The following COL4A1 variants were observed in gnomAD, a reference collection of about 807,000 sequenced individuals.
COL4A1 encodes collagen type IV alpha 1 chain, also known as collagen alpha-1(IV) chain.
COL4A1 carries 40 observed loss-of-function variants against 216.6 expected under a neutral mutation model. The observed-to-expected ratio is 0.18, with a 90% confidence interval of 0.14 to 0.24. The LOEUF (loss-of-function observed/expected upper bound fraction) is 0.24. Ranked by LOEUF, COL4A1 falls within the 10% of genes least tolerant of loss-of-function variation. COL4A1 has a pLI of 1.00. For synonymous variants in COL4A1, 839 were observed against 810.7 expected, an observed-to-expected ratio of 1.03 and a Z score of -0.59; for missense variants, 1,628 against 2,196.8, an observed-to-expected ratio of 0.74 and a Z score of 5.18.
intron 1 of COL4A1, among the ~76,000 whole-genome samples, chr13:110,284,342 C>T (rs61964260): frequency 2.5e-4 from 38 of 152,174 alleles, no homozygotes; most frequent in Non-Finnish European, 3.7e-4. Context: ...ACTAATGTGA[C>T]CCCCACAGCT....
intron 1 of COL4A1, among the ~76,000 whole-genome samples, chr13:110,285,269 G>C (rs1302236864): frequency 2.6e-5 from 4 of 152,242 alleles, no homozygotes; most frequent in Non-Finnish European, 5.9e-5. Flanking sequence ...CAATGGTGAA[G>C]AAATAGGATG....
chr13:110,200,794 A>T lies in COL4A1; in HGVS notation c.1120+60T>A. The T allele has an allele frequency of 2.0e-6, 3 of 1,502,106 alleles. No homozygotes were observed. The Admixed American group carries it at 5.0e-5, about 25-fold the overall frequency. 93.0% of individuals were successfully genotyped at this position (1,502,106 alleles called of 1,614,324 possible). A position where few individuals can be genotyped will look rare whatever the true frequency, so the allele number is the denominator to read the frequency against. ...CATTCGTGATAAATTATATATTCAG[A>T]ATATAAACAGCACAGAAGGTGTGCA... is the stretch of plus-strand genomic sequence containing the variant. On this transcript the variant is annotated intron_variant, in intron 20 of 51. Coordinates refer to ENST00000375820, the MANE Select transcript of COL4A1 (RefSeq NM_001845.6).
intron 1 of COL4A1, among the ~76,000 whole-genome samples, chr13:110,279,645 T>C (rs1464209709): frequency 1.3e-5 from 2 of 152,184 alleles, no homozygotes; most frequent in African/African-American, 4.8e-5. Context: ...GAAAACCTCC[T>C]AGCATCAGAA....
intron 49 of COL4A1, chr13:110,160,914 G>T: frequency 2.2e-6 from 1 of 446,048 alleles, no homozygotes. Flanking sequence ...TCGTCATCTT[G>T]CCCAGGCTGG....
chr13:110,242,731 C>T lies in COL4A1; in HGVS notation c.88G>A (p.Gly30Ser), dbSNP rs1881620946. Residue 30 changes from glycine (G) to serine (S), a missense_variant, in exon 2 of 52, where the codon GGC (glycine) becomes AGC (serine). Coordinates refer to ENST00000375820, the MANE Select transcript of COL4A1 (RefSeq NM_001845.6). ...TTGCCACAGCCAGAGCCAGCACAGC[C>T]ACCCTGGAAGGAAAAGAAAACTTCT... is the stretch of plus-strand genomic sequence containing the variant. ...EEHSRAAAKGGCAGSGCGKCD... is the reference protein window; with the variant it reads ...EEHSRAAAKGSCAGSGCGKCD... The T allele has an allele frequency of 5.0e-6, 8 of 1,614,244 alleles. No homozygotes were observed. The highest frequency in any genetic ancestry group is 6.8e-6 in the Non-Finnish European group (8 of 1,180,046).
At chr13:110,152,587 C>T in intron 50 of COL4A1, 81 bp from the exon 51 acceptor site, 1 of 1,476,368 alleles carries the variant, frequency 6.8e-7, no homozygotes, top group Non-Finnish European at 9.2e-7. Context: ...CAGGAAGGCG[C>T]CAGGGTGTTC....
intron 1 of COL4A1, among the ~76,000 whole-genome samples, chr13:110,253,219 T>C (rs1212112603): frequency 7.0e-6 from 1 of 142,928 alleles, no homozygotes; most frequent in Non-Finnish European, 1.5e-5. Flanking sequence ...TGTATGTATG[T>C]ATTATATATA....
intron 45 of COL4A1, among the ~76,000 whole-genome samples, 175 bp downstream of exon 45, chr13:110,166,057 A>G (rs1212208627): frequency 7.9e-5 from 12 of 152,174 alleles, no homozygotes; most frequent in Admixed American, 7.9e-4. Flanking sequence ...TCGCTGGTTA[A>G]AATGTCAACT....
At chr13:110,242,543 TATTG>T in intron 2 of COL4A1, 128 bp downstream of exon 2, 1 of 1,011,932 alleles carries the variant, frequency 9.9e-7, no homozygotes, top group Non-Finnish European at 1.6e-6. Flanking sequence ...GCTTCATTTG[TATTG>T]CTCTGGGGAA....
chr13:110,231,443 T>C (rs1285474392), intron 2 of COL4A1, among the ~76,000 whole-genome samples: 10 of 152,230 alleles, frequency 6.6e-5, no homozygotes, highest in Admixed American at 5.2e-4. Context: ...CCTGAGCTTT[T>C]GGGGCCTGCG....
At chr13:110,282,499 TG>T (rs1409417904) in intron 1 of COL4A1, among the ~76,000 whole-genome samples, 1 of 152,208 alleles carries the variant, frequency 6.6e-6, no homozygotes, top group Non-Finnish European at 1.5e-5. Context: ...TCACTTCCAA[TG>T]CACATCCTTT....
At chr13:110,262,050 G>C (rs1882849829) in intron 1 of COL4A1, among the ~76,000 whole-genome samples, 1 of 152,214 alleles carries the variant, frequency 6.6e-6, no homozygotes, top group African/African-American at 2.4e-5. Flanking sequence ...GCTTCCATCT[G>C]AGGGTTTAAC....
chr13:110,236,417 G>C (rs1460003312), intron 2 of COL4A1, among the ~76,000 whole-genome samples: 1 of 152,174 alleles, frequency 6.6e-6, no homozygotes, highest in Non-Finnish European at 1.5e-5. Context: ...AAAGTGCCCA[G>C]CAAAGTAACA....
intron 47 of COL4A1, among the ~76,000 whole-genome samples, chr13:110,163,163 AGAAT>A (rs1246065647): frequency 3.3e-5 from 5 of 152,254 alleles, no homozygotes; most frequent in African/African-American, 7.2e-5. Context: ...TTGCTGAAAT[AGAAT>A]TTTCACAGCT....
chr13:110,230,335 A>AG (rs1370498437), intron 2 of COL4A1, among the ~76,000 whole-genome samples: 4 of 151,874 alleles, frequency 2.6e-5, no homozygotes, highest in African/African-American at 9.7e-5. Flanking sequence ...CATGCACGTG[A>AG]TGTGTGCATG....
In COL4A1 at chr13:110,252,578, A is replaced by ATACGTATAATTATACGTATATATGTAT. The variant is rs1435045522; in HGVS notation, c.85-9845_85-9844insATACATATATACGTATAATTATACGTA. 2.0e-4 allele frequency among the ~76,000 whole-genome samples: 6 copies of ATACGTATAATTATACGTATATATGTAT among 30,468 alleles called. 2 individuals carry two copies. The highest frequency in any genetic ancestry group is 6.8e-3 in the East Asian group (2 of 292). The allele number at this position is 30,468 out of a possible 152,430, so 20.0% of individuals were successfully genotyped here. On this transcript the variant is annotated intron_variant, in intron 1 of 51. Transcript: ENST00000375820. ...GTATAATTATACGTATATATGTATT[A>ATACGTATAATTATACGTATATATGTAT]TATACGTATAATTATACGTATATAT...
intron 50 of COL4A1, among the ~76,000 whole-genome samples, chr13:110,154,780 A>ACAGAGAAGC (rs71127916): frequency 1.0e-3 from 158 of 152,302 alleles, no homozygotes; most frequent in Non-Finnish European, 1.2e-3. Context: ...AGCTGGTCAT[A>ACAGAGAAGC]TAGAGAAGCT....
At chr13:110,240,005 T>G (rs530104411) in intron 2 of COL4A1, among the ~76,000 whole-genome samples, 2 of 152,270 alleles carry the variant, frequency 1.3e-5, no homozygotes, top group South Asian at 4.1e-4. Flanking sequence ...ACCTGAAATG[T>G]TTATGCTCAA....
At chr13:110,202,238 TAAAA>T in intron 18 of COL4A1, among the ~76,000 whole-genome samples, 1 of 121,134 alleles carries the variant, frequency 8.3e-6, no homozygotes. Flanking sequence ...GGAACACTCT[TAAAA>T]AAAAAAAAAA....
Sources: gnomAD v4.1 joint callset for allele counts (sites outside exome capture counted in the v4.1 genomes callset) on GRCh38, gnomAD v4.1.1 for gene constraint, MANE v1.5 for transcripts, NCBI Gene and HGNC (gene_info 2026-07-23, HGNC 2026-07-21) for gene names.